CHRDL1: variants seen among roughly 807,000 people sequenced by gnomAD.
CHRDL1 encodes chordin like 1, also known as chordin-like protein 1.
A neutral mutation model predicts 40.9 loss-of-function variants in CHRDL1; 19 were observed. That is an observed-to-expected ratio of 0.46 (90% CI 0.32 to 0.68). The LOEUF is 0.68. CHRDL1 is among the 30% of genes least tolerant of loss of function. The pLI, the probability that CHRDL1 is intolerant of heterozygous loss-of-function variation, is 0.03. For synonymous variants in CHRDL1, 136 were observed against 123.4 expected (o/e 1.10, Z -0.68); for missense variants, 329 against 352.1 (o/e 0.93, Z 0.53).
At chrX:110,721,563 A>C (rs750292481) in intron 4 of CHRDL1, 33 bp from the exon 5 acceptor site, 1 of 1,142,792 alleles carries the variant, frequency 8.8e-7, no homozygotes, top group East Asian at 3.0e-5. Context: ...CACACTGAGT[A>C]TTGGCATCAT....
intron 2 of CHRDL1, among the ~76,000 whole-genome samples, 179 bp from the exon 3 acceptor site, chrX:110,762,986 C>G (rs2089592210): frequency 9.0e-6 from 1 of 111,373 alleles, no homozygotes; most frequent in Non-Finnish European, 1.9e-5. Context: ...TGGATCCTCA[C>G]CACAATGACC....
intron 6 of CHRDL1, among the ~76,000 whole-genome samples, chrX:110,714,241 C>T (rs929288617): frequency 6.4e-5 from 7 of 110,160 alleles, no homozygotes; most frequent in Non-Finnish European, 1.3e-4. Context: ...TTAGCTCCCA[C>T]TTATAAGTGA....
intron 2 of CHRDL1, among the ~76,000 whole-genome samples, chrX:110,764,549 CT>C (rs894167750): frequency 8.9e-6 from 1 of 112,039 alleles, no homozygotes; most frequent in African/African-American, 3.2e-5. Flanking sequence ...TACAAATTGA[CT>C]GTAAAACATG....
At chrX:110,725,842 C>T (rs922183151) in intron 4 of CHRDL1, among the ~76,000 whole-genome samples, 1 of 111,860 alleles carries the variant, frequency 8.9e-6, no homozygotes, top group African/African-American at 3.3e-5. Flanking sequence ...CTGATGCTAG[C>T]ATTTCTTTGG....
chrX:110,723,473 T>C (rs2071000941), intron 4 of CHRDL1, among the ~76,000 whole-genome samples: 1 of 111,720 alleles, frequency 9.0e-6, no homozygotes, highest in Admixed American at 9.5e-5. Flanking sequence ...GATGTAGACA[T>C]GATTATGCCC....
chrX:110,719,118 G>GA (rs1429254734), intron 6 of CHRDL1, among the ~76,000 whole-genome samples: 1 of 111,210 alleles, frequency 9.0e-6, no homozygotes, highest in Non-Finnish European at 1.9e-5. Flanking sequence ...TGGATAGAAG[G>GA]AAAAAGGACA....
At chrX:110,745,977 T>C (rs73528238) in intron 4 of CHRDL1, among the ~76,000 whole-genome samples, 2,648 of 112,038 alleles carry the variant, frequency 0.024, 80 homozygotes, top group African/African-American at 0.081. Flanking sequence ...CTTCCATGCG[T>C]TGTGTTCCTA....
intron 4 of CHRDL1, among the ~76,000 whole-genome samples, chrX:110,734,269 T>C (rs1400135563): frequency 8.9e-6 from 1 of 111,858 alleles, no homozygotes; most frequent in Non-Finnish European, 1.9e-5. Context: ...TTCAGCAGTA[T>C]GAGATCTCTG....
intron 2 of CHRDL1, among the ~76,000 whole-genome samples, chrX:110,772,170 T>C: frequency 8.9e-6 from 1 of 112,122 alleles, no homozygotes; most frequent in South Asian, 3.7e-4. Context: ...ACAAAATTGT[T>C]AAGATATCAG....
chrX:110,727,150 G>T (rs1174948665), intron 4 of CHRDL1, among the ~76,000 whole-genome samples: 1 of 111,745 alleles, frequency 8.9e-6, no homozygotes, highest in Non-Finnish European at 1.9e-5. Context: ...GTGGGGAGGA[G>T]TATCAACTGC....
intron 4 of CHRDL1, among the ~76,000 whole-genome samples, chrX:110,738,176 A>G (rs1195207846): frequency 8.9e-6 from 1 of 112,444 alleles, no homozygotes; most frequent in Non-Finnish European, 1.9e-5. Context: ...TAGATTAGAC[A>G]GCAAAGATCT....
At position 110,681,637 on chromosome X, in the gene CHRDL1, C is replaced by T. The variant is rs751106668; in HGVS notation, c.1001G>A (p.Gly334Asp). The T allele has an allele frequency of 8.3e-7, 1 of 1,198,030 alleles. No individual in the cohort carries two copies. The highest frequency in any genetic ancestry group is 1.8e-5 in the African/African-American group (1 of 56,925). The change falls in exon 10 of 12, where the codon GGC becomes GAC. Residue 334 changes from glycine to aspartate, a missense_variant. Gly to Asp is a moderately conservative substitution (Grantham distance 94, BLOSUM62 -1). Transcript: ENST00000372042. ...PGKKAKEELPGQSFDNKGYFC... is the reference protein window; with the variant it reads ...PGKKAKEELPDQSFDNKGYFC... ...GTAGCCTTTATTGTCAAAGCTTTGG[C>T]CTGGAAGTTCTTCTGGAATCAGGAA...
chrX:110,722,735 T>C (rs750000824), intron 4 of CHRDL1, among the ~76,000 whole-genome samples: 4 of 111,189 alleles, frequency 3.6e-5, no homozygotes, highest in Non-Finnish European at 7.5e-5. Context: ...ACAAAGCTAG[T>C]GAGTGGTGAA....
chrX:110,769,632 G>A (rs769904912), intron 2 of CHRDL1, among the ~76,000 whole-genome samples: 26 of 112,193 alleles, frequency 2.3e-4, no homozygotes, highest in African/African-American at 7.4e-4. Flanking sequence ...TGTGGCTGGG[G>A]AGGTCTCACA....
chrX:110,749,894 T>C (rs965668688), intron 4 of CHRDL1, among the ~76,000 whole-genome samples: 7 of 112,319 alleles, frequency 6.2e-5, no homozygotes, highest in Non-Finnish European at 9.4e-5. Flanking sequence ...TGAGAACATA[T>C]TGGTTTTAAA....
At position 110,676,342 on chromosome X, in the gene CHRDL1, G is replaced by A. The variant is rs759648790; in HGVS notation, c.1266C>T (p.Thr422=). 16 of 1,208,339 alleles carry A rather than the reference G, an allele frequency of 1.3e-5. No homozygotes were observed. The highest frequency in any genetic ancestry group is 1.8e-5 in the South Asian group (1 of 56,729). Residue 422 remains threonine, a synonymous_variant, in exon 12 of 12, where the codon ACC becomes ACT. Coordinates refer to ENST00000372042, the MANE Select transcript of CHRDL1 (RefSeq NM_001143981.2). ...RTTLSQWKIF[T]EGEAQISQMC... ...TCTGGCTGATCTGAGCTTCTCCTTCGGTGAAGATCTTCCACTGGCCTAAAA... is the reference window on the plus strand; with the variant it reads ...TCTGGCTGATCTGAGCTTCTCCTTCAGTGAAGATCTTCCACTGGCCTAAAA...
chrX:110,766,541 A>T (rs755244671), intron 2 of CHRDL1, among the ~76,000 whole-genome samples: 40 of 111,857 alleles, frequency 3.6e-4, no homozygotes, highest in African/African-American at 1.2e-3. Flanking sequence ...ACGAAAGATC[A>T]TTCAAGACTA....
At chrX:110,792,319 C>T in intron 1 of CHRDL1, 104 bp from the exon 2 acceptor site, 1 of 411,204 alleles carries the variant, frequency 2.4e-6, no homozygotes, top group East Asian at 4.2e-5. Flanking sequence ...AAAAAAATGT[C>T]CTAGAATTTA....
At chrX:110,756,908 T>C (rs1171530442) in intron 4 of CHRDL1, among the ~76,000 whole-genome samples, 1 of 111,895 alleles carries the variant, frequency 8.9e-6, no homozygotes, top group African/African-American at 3.2e-5. Context: ...AAAAAGAGAA[T>C]AAGATTCCCC....
Sources: gnomAD v4.1 joint callset for allele counts (sites outside exome capture counted in the v4.1 genomes callset) on GRCh38, gnomAD v4.1.1 for gene constraint, MANE v1.5 for transcripts, NCBI Gene and HGNC (gene_info 2026-07-23, HGNC 2026-07-21) for gene names.